The following PLXNC1 variants were observed in gnomAD, a reference collection of about 807,000 sequenced individuals.
The protein encoded by PLXNC1 is plexin C1.
A neutral mutation model predicts 178.2 loss-of-function variants in PLXNC1; 75 were observed. The observed-to-expected ratio is 0.42, with a 90% CI of 0.35 to 0.51. The LOEUF (loss-of-function observed/expected upper bound fraction) is 0.51, where lower values mean the gene tolerates loss of function less well. PLXNC1 is among the 20% of genes least tolerant of loss of function. PLXNC1 has a pLI of 0.02. For missense variants in PLXNC1, 1,503 were observed against 1,984.4 expected (o/e 0.76, Z 4.61); for synonymous variants, 790 against 779.9 (o/e 1.01, Z -0.22).
At chr12:94,224,206 C>T in intron 6 of PLXNC1, 22 bp from the exon 7 acceptor site, 2 of 1,424,208 alleles carry the variant, frequency 1.4e-6, no homozygotes, top group South Asian at 1.1e-5. Flanking sequence ...CCGTAAATGA[C>T]ATTTTCCCCC....
At chr12:94,227,400 A>G (rs912359386) in intron 9 of PLXNC1, 165 bp downstream of exon 9, 1 of 541,318 alleles carries the variant, frequency 1.8e-6, no homozygotes, top group Non-Finnish European at 3.3e-6. Context: ...TAATTAGCGC[A>G]ATACATCAAT....
At chr12:94,196,639 C>T (rs1346343401) in intron 4 of PLXNC1, among the ~76,000 whole-genome samples, 1 of 152,178 alleles carries the variant, frequency 6.6e-6, no homozygotes, top group South Asian at 2.1e-4. Context: ...GTAGAAAAGT[C>T]CAGATGGATG....
At chr12:94,169,665 G>C (rs868587871) in intron 2 of PLXNC1, among the ~76,000 whole-genome samples, 6 of 152,174 alleles carry the variant, frequency 3.9e-5, no homozygotes, top group South Asian at 2.1e-4. Context: ...CAAAGCACCT[G>C]ATTTCTCACA....
rs76766330 is a variant in PLXNC1, at chr12:94,159,826, A to T, written c.1063-9327A>T. On this transcript the variant is annotated intron_variant, in intron 1 of 30. Coordinates refer to ENST00000258526, the MANE Select transcript of PLXNC1 (RefSeq NM_005761.3). Reference sequence around the variant, plus strand: ...CTTGCAGTAGTCCAGACAAGAAATAATGTCACCTTGGCCACGAGCAGTGGT... The same window carrying T: ...CTTGCAGTAGTCCAGACAAGAAATATTGTCACCTTGGCCACGAGCAGTGGT... Among the ~76,000 whole-genome samples, 25 of 152,320 alleles carry T rather than the reference A, an allele frequency of 1.6e-4. No homozygotes were observed. The East Asian group carries it at 4.6e-3, about 28-fold the overall frequency.
At chr12:94,301,101 T>C (rs1279535201) in intron 28 of PLXNC1, 44 bp downstream of exon 28, 1 of 1,558,136 alleles carries the variant, frequency 6.4e-7, no homozygotes, top group South Asian at 1.1e-5. Flanking sequence ...TCTTATGAGT[T>C]TGACATACTT....
intron 14 of PLXNC1, among the ~76,000 whole-genome samples, chr12:94,249,062 T>G (rs1592809467): frequency 3.3e-5 from 5 of 152,034 alleles, no homozygotes; most frequent in African/African-American, 1.2e-4. Context: ...TGATCTATCA[T>G]CATAAATAAT....
At chr12:94,293,361 A>G (rs1335654676) in intron 23 of PLXNC1, among the ~76,000 whole-genome samples, 1 of 152,234 alleles carries the variant, frequency 6.6e-6, no homozygotes, top group East Asian at 1.9e-4. Context: ...CCAACTTTAT[A>G]TACCACAATT....
In PLXNC1 at chr12:94,251,581, C is replaced by A. The variant is rs145872101; in HGVS notation, c.2881+53C>A. The A allele has an allele frequency of 2.8e-4, 325 of 1,156,334 alleles. No individual in the cohort carries two copies. In the East Asian group the frequency reaches 7.3e-3, roughly 26 times the overall value. 71.6% of individuals were successfully genotyped at this position (1,156,334 alleles called of 1,614,324 possible). A position where few individuals can be genotyped will look rare whatever the true frequency, so the allele number is the denominator to read the frequency against. On this transcript the variant is annotated intron_variant, in intron 15 of 30. Coordinates refer to ENST00000258526, the MANE Select transcript of PLXNC1 (RefSeq NM_005761.3). ...GAAATTATTCCCTGGGGCCTCTCGC[C>A]GGGCAGGCAGACTTTCAGCTTTCAG...
chr12:94,160,729 G>A (rs888754514), intron 1 of PLXNC1, among the ~76,000 whole-genome samples: 3 of 152,188 alleles, frequency 2.0e-5, no homozygotes. Flanking sequence ...GACCTCTAAT[G>A]CAGCCTGTAG....
intron 20 of PLXNC1, among the ~76,000 whole-genome samples, chr12:94,264,415 C>T (rs968317184): frequency 6.6e-6 from 1 of 152,170 alleles, no homozygotes; most frequent in Admixed American, 6.5e-5. Flanking sequence ...GGAATTGGCT[C>T]TGGTTCAGGG....
intron 17 of PLXNC1, among the ~76,000 whole-genome samples, chr12:94,257,642 G>A (rs563850973): frequency 2.0e-5 from 3 of 152,202 alleles, no homozygotes; most frequent in South Asian, 2.1e-4. Flanking sequence ...GCATGGTGGC[G>A]TGCACCTGTA....
intron 2 of PLXNC1, among the ~76,000 whole-genome samples, chr12:94,177,195 ATATACGTATATATATATGTGTGTG>A (rs1565794409): frequency 1.3e-3 from 59 of 46,684 alleles, no homozygotes; most frequent in African/African-American, 8.7e-3. Flanking sequence ...ATGTATATAT[ATATACGTATATATATATGTGTGTG>A]TATATATATA....
At chr12:94,163,482 TAGGG>T (rs1450773621) in intron 1 of PLXNC1, among the ~76,000 whole-genome samples, 5 of 151,932 alleles carry the variant, frequency 3.3e-5, no homozygotes, top group Non-Finnish European at 7.4e-5. Context: ...AAATTAGCCA[TAGGG>T]AGGAGAAGGA....
In PLXNC1 at chr12:94,248,410, C is replaced by A; in HGVS notation, c.2776C>A (p.Arg926=). 6.3e-7 allele frequency: 1 copy of A among 1,596,106 alleles called. No individual in the cohort carries two copies. The highest frequency in any genetic ancestry group is 1.1e-5 in the South Asian group (1 of 87,458). ...STIANSSKKV[R]VKLGNLELYV... ...CATTGCCAACTCTTCTAAGAAAGTT[C>A]GGGTAAGTGACCTGGCAGTCCCACC... The change falls in exon 14 of 31, where the codon CGG becomes AGG. Residue 926 remains arginine (R), a splice_region_variant and synonymous_variant. Coordinates refer to ENST00000258526, the MANE Select transcript of PLXNC1 (RefSeq NM_005761.3).
At chr12:94,228,770 T>G (rs1214702211) in intron 9 of PLXNC1, among the ~76,000 whole-genome samples, 1 of 152,228 alleles carries the variant, frequency 6.6e-6, no homozygotes, top group Non-Finnish European at 1.5e-5. Context: ...TTCCAGTGTA[T>G]GTATATACCA....
intron 3 of PLXNC1, among the ~76,000 whole-genome samples, chr12:94,182,904 TATC>T: frequency 1.3e-5 from 2 of 150,036 alleles, no homozygotes; most frequent in South Asian, 2.1e-4. Flanking sequence ...TCTATCTATC[TATC>T]ATCTATCTAT....
At chr12:94,179,722 CTGAG>C (rs1444928493) in intron 2 of PLXNC1, among the ~76,000 whole-genome samples, 19 of 128,514 alleles carry the variant, frequency 1.5e-4, no homozygotes, top group Non-Finnish European at 4.7e-5. Context: ...GTCTGGGCGA[CTGAG>C]TAAGACTCCA....
intron 5 of PLXNC1, among the ~76,000 whole-genome samples, chr12:94,213,662 T>C (rs2136008847): frequency 6.6e-6 from 1 of 152,344 alleles, no homozygotes; most frequent in Non-Finnish European, 1.5e-5. Context: ...TTTAATTAGA[T>C]CCCATTTGTC....
chr12:94,289,875 T>C (rs1197898031), intron 23 of PLXNC1, among the ~76,000 whole-genome samples: 4 of 152,176 alleles, frequency 2.6e-5, no homozygotes, highest in African/African-American at 9.7e-5. Flanking sequence ...ACTCATCCAC[T>C]AATAAAATGT....
Sources: allele counts gnomAD v4.1 joint callset (sites outside exome capture counted in the v4.1 genomes callset), GRCh38; gene constraint gnomAD v4.1.1; transcripts MANE v1.5; gene names NCBI Gene and HGNC (gene_info 2026-07-23, HGNC 2026-07-21).